DNM3: variants seen among roughly 807,000 people sequenced by gnomAD.
The protein encoded by DNM3 is dynamin-3.
Under a neutral mutation model 101.6 loss-of-function variants are expected in DNM3, and 47 were observed. That is an observed-to-expected ratio of 0.46 (90% CI 0.37 to 0.59). The LOEUF (loss-of-function observed/expected upper bound fraction) is 0.59. Among genes scored for constraint, DNM3 ranks in the 20% least tolerant of loss-of-function variants. DNM3 has a pLI of 0.00. For missense variants in DNM3, 849 were observed against 1,085.7 expected (o/e 0.78, Z 3.06); for synonymous variants, 385 against 387.9 (o/e 0.99, Z 0.09).
intron 14 of DNM3, among the ~76,000 whole-genome samples, chr1:172,196,502 G>A (rs1200376104): frequency 6.6e-6 from 1 of 151,974 alleles, no homozygotes; most frequent in Non-Finnish European, 1.5e-5. Flanking sequence ...CACAATGATT[G>A]AACTAATTTA....
intron 16 of DNM3, among the ~76,000 whole-genome samples, 182 bp from the exon 17 acceptor site, chr1:172,323,147 A>G (rs2065794929): frequency 6.6e-6 from 1 of 152,120 alleles, no homozygotes; most frequent in Admixed American, 6.6e-5. Context: ...TGGATGCTGT[A>G]TGTGTATGTA....
At chr1:172,188,285 C>T (rs150415647) in intron 14 of DNM3, among the ~76,000 whole-genome samples, 4 of 152,136 alleles carry the variant, frequency 2.6e-5, no homozygotes, top group African/African-American at 7.2e-5. Flanking sequence ...GTTAGACTAA[C>T]GTCTCCAGAT....
At chr1:172,027,351 G>A (rs558056899) in intron 4 of DNM3, among the ~76,000 whole-genome samples, 23 of 152,208 alleles carry the variant, frequency 1.5e-4, no homozygotes, top group East Asian at 3.9e-4. Context: ...TTAGGATGCC[G>A]AGGTGGGTGG....
intron 13 of DNM3, among the ~76,000 whole-genome samples, chr1:172,120,806 A>G (rs185514365): frequency 2.6e-5 from 4 of 152,186 alleles, no homozygotes; most frequent in Admixed American, 2.0e-4. Flanking sequence ...TTTAGTGCCT[A>G]TTCTCTCACT....
At chr1:172,174,274 G>A (rs762070446) in intron 14 of DNM3, among the ~76,000 whole-genome samples, 1 of 150,924 alleles carries the variant, frequency 6.6e-6, no homozygotes, top group African/African-American at 2.4e-5. Flanking sequence ...TTTTTTCCTG[G>A]GCTTGAGTCC....
At position 172,075,272 on chromosome 1, in the gene DNM3, C is replaced by G. The variant is rs563966266; in HGVS notation, c.1422+6367C>G. ...TCCCATTCTATAGGTTGCCTTTTCA[C>G]TCTGATGATAGTTTCTTTTGCTGTG... On this transcript the variant is annotated intron_variant, in intron 11 of 20. Transcript: ENST00000627582. 1.1e-4 allele frequency among the ~76,000 whole-genome samples: 17 copies of G among 152,128 alleles called. No individual in the cohort carries two copies. In the East Asian group the frequency reaches 3.3e-3, roughly 29 times the overall value.
At chr1:172,131,693 A>G in intron 14 of DNM3, 1 of 259,660 alleles carries the variant, frequency 3.9e-6, no homozygotes, top group South Asian at 4.0e-5. Flanking sequence ...TTAATAAAGC[A>G]TGTTGGAATT....
intron 14 of DNM3, among the ~76,000 whole-genome samples, chr1:172,194,448 G>T (rs1385177227): frequency 6.6e-6 from 1 of 152,034 alleles, no homozygotes; most frequent in Non-Finnish European, 1.5e-5. Flanking sequence ...TCTGTCTAAT[G>T]TTGACAGTGG....
chr1:172,368,045 C>T lies in DNM3; in HGVS notation c.1894-10973C>T, dbSNP rs554392495. 4.6e-5 allele frequency among the ~76,000 whole-genome samples: 7 copies of T among 151,976 alleles called. No homozygotes were observed. The East Asian group carries it at 1.2e-3, about 25-fold the overall frequency. Reference sequence around the variant, plus strand: ...CATATTTGCGTCCTACAATACCCCACTCTCAGCATTGCATAGATCACCTAG... The same window carrying T: ...CATATTTGCGTCCTACAATACCCCATTCTCAGCATTGCATAGATCACCTAG... On this transcript the variant is annotated intron_variant, in intron 17 of 20. Coordinates refer to ENST00000627582, the MANE Select transcript of DNM3 (RefSeq NM_015569.5).
rs547642616 is a variant in DNM3, at chr1:172,210,939, C to T, written c.1660-42634C>T. Among the ~76,000 whole-genome samples the T allele has an allele frequency of 2.8e-3, 425 of 152,180 alleles. 2 individuals are homozygous for T. Among genetic ancestry groups the T allele is most frequent in the African/African-American group, 9.8e-3 (406 of 41,544 alleles). On this transcript the variant is annotated intron_variant, in intron 14 of 20. Coordinates refer to ENST00000627582, the MANE Select transcript of DNM3 (RefSeq NM_015569.5). The stretch of plus-strand genomic sequence containing the variant: ...AGAAGGAAATAAAGGGCATTTTTTA[C>T]ATCCAGCGATTTCAGCCATCCTTCC...
At chr1:172,396,624 T>G (rs907695421) in intron 20 of DNM3, among the ~76,000 whole-genome samples, 10 of 152,198 alleles carry the variant, frequency 6.6e-5, no homozygotes, top group Admixed American at 6.5e-5. Flanking sequence ...TAAGACAGCA[T>G]GAGAAGGCAT....
Position 172,238,469 on chromosome 1 carries a change from G to C in DNM3, c.1660-15104G>C, listed in dbSNP as rs142471681. On this transcript the variant is annotated intron_variant, in intron 14 of 20. Coordinates refer to ENST00000627582, the MANE Select transcript of DNM3 (RefSeq NM_015569.5). ...AACTTAAATTCAAATATATTACCCA[G>C]GAAGAATAATTAATAAGAGTTTATT... Among the ~76,000 whole-genome samples the C allele has an allele frequency of 2.3e-3, 350 of 152,170 alleles. 1 individual carries two copies. Among genetic ancestry groups the C allele is most frequent in the African/African-American group, 8.0e-3 (332 of 41,540 alleles).
chr1:172,315,107 C>T (rs1284380844), intron 16 of DNM3, among the ~76,000 whole-genome samples: 2 of 152,158 alleles, frequency 1.3e-5, no homozygotes, highest in African/African-American at 4.8e-5. Flanking sequence ...CTGCAGACAC[C>T]GCTGCTGATA....
At chr1:171,905,973 T>TA (rs941838833) in intron 1 of DNM3, among the ~76,000 whole-genome samples, 1 of 152,188 alleles carries the variant, frequency 6.6e-6, no homozygotes, top group African/African-American at 2.4e-5. Context: ...AGGATGGATG[T>TA]ACCAGACTCA....
At chr1:172,354,706 G>A (rs886590245) in intron 17 of DNM3, among the ~76,000 whole-genome samples, 2 of 152,070 alleles carry the variant, frequency 1.3e-5, no homozygotes, top group South Asian at 4.1e-4. Flanking sequence ...AGAAATTCCT[G>A]GGTAAGAAAA....
chr1:171,999,810 T>C (rs1239711274), intron 4 of DNM3, among the ~76,000 whole-genome samples: 1 of 152,040 alleles, frequency 6.6e-6, no homozygotes, highest in African/African-American at 2.4e-5. Flanking sequence ...TAGAAGGCCA[T>C]GTGAAGATGG....
At chr1:171,955,835 T>A (rs2042818332) in intron 2 of DNM3, among the ~76,000 whole-genome samples, 1 of 152,152 alleles carries the variant, frequency 6.6e-6, no homozygotes, top group South Asian at 2.1e-4. Flanking sequence ...TCCACATGGC[T>A]GGGGAGGCCT....
chr1:172,322,587 C>T (rs1313275214), intron 16 of DNM3, among the ~76,000 whole-genome samples: 1 of 152,172 alleles, frequency 6.6e-6, no homozygotes, highest in Non-Finnish European at 1.5e-5. Context: ...CCCAGAGTGT[C>T]GCTTTTAGAA....
intron 4 of DNM3, among the ~76,000 whole-genome samples, chr1:172,020,737 A>AAAAAAAAAC: frequency 6.6e-6 from 1 of 151,486 alleles, no homozygotes; most frequent in African/African-American, 2.4e-5. Context: ...AAAAAAAAAA[A>AAAAAAAAAC]AAAAAAAGAA....
Sources: allele counts gnomAD v4.1 joint callset (sites outside exome capture counted in the v4.1 genomes callset), GRCh38; gene constraint gnomAD v4.1.1; transcripts MANE v1.5; gene names NCBI Gene and HGNC (gene_info 2026-07-23, HGNC 2026-07-21).